Variants in MAGI2 observed in about 807,000 individuals in gnomAD.
The protein encoded by MAGI2 is membrane-associated guanylate kinase, WW and PDZ domain-containing protein 2.
MAGI2 carries 35 observed loss-of-function variants against 133.3 expected under a neutral mutation model. The ratio of observed to expected loss-of-function variants is 0.26; its 90% CI spans 0.20 to 0.35. MAGI2 has a LOEUF of 0.35. Ranked by LOEUF, MAGI2 falls within the 10% of genes least tolerant of loss-of-function variation. The pLI, the probability that MAGI2 is intolerant of heterozygous loss-of-function variation, is 1.00. For missense variants in MAGI2, 1,636 were observed against 1,863.4 expected (o/e 0.88, Z 2.25); for synonymous variants, 729 against 710.6 (o/e 1.03, Z -0.41).
At chr7:78,100,169 T>A (rs570393796) in intron 20 of MAGI2, among the ~76,000 whole-genome samples, 3 of 152,156 alleles carry the variant, frequency 2.0e-5, no homozygotes, top group African/African-American at 7.2e-5. Context: ...GTACTTTGCG[T>A]CGCTTCCCAC....
chr7:79,220,671 C>T (rs1004867163), intron 1 of MAGI2, among the ~76,000 whole-genome samples: 5 of 152,114 alleles, frequency 3.3e-5, no homozygotes, highest in East Asian at 3.9e-4. Context: ...CTGGTGGCCC[C>T]CAAACCACTT....
chr7:78,724,605 T>TG (rs770694542), intron 2 of MAGI2, among the ~76,000 whole-genome samples: 1 of 152,178 alleles, frequency 6.6e-6, no homozygotes, highest in South Asian at 2.1e-4. Context: ...CTATTGCTCC[T>TG]GTTGAGGAGG....
chr7:78,743,835 T>C (rs900135530), intron 2 of MAGI2, among the ~76,000 whole-genome samples: 3 of 152,200 alleles, frequency 2.0e-5, no homozygotes, highest in Admixed American at 6.5e-5. Flanking sequence ...TCTATTCCAA[T>C]GAACCATTTC....
chr7:79,146,849 A>G (rs1822687263), intron 1 of MAGI2, among the ~76,000 whole-genome samples: 1 of 152,216 alleles, frequency 6.6e-6, no homozygotes, highest in Non-Finnish European at 1.5e-5. Flanking sequence ...TTTCCATCTA[A>G]TAGGGGAATT....
intron 5 of MAGI2, among the ~76,000 whole-genome samples, chr7:78,499,609 A>C (rs1484094699): frequency 6.6e-6 from 1 of 151,866 alleles, no homozygotes; most frequent in African/African-American, 2.4e-5. Flanking sequence ...TCAAAACCTG[A>C]TGTAGTTAAA....
intron 1 of MAGI2, among the ~76,000 whole-genome samples, chr7:79,025,352 G>C (rs1340271710): frequency 6.6e-6 from 1 of 152,116 alleles, no homozygotes; most frequent in Non-Finnish European, 1.5e-5. Context: ...CCTACTTGAG[G>C]GTAGAGGTTG....
At chr7:78,701,131 G>A (rs1057446880) in intron 2 of MAGI2, among the ~76,000 whole-genome samples, 7 of 151,734 alleles carry the variant, frequency 4.6e-5, no homozygotes, top group Non-Finnish European at 1.0e-4. Flanking sequence ...AAATTTTACA[G>A]TAAGAAAGAC....
chr7:78,540,244 C>T lies in MAGI2; in HGVS notation c.539-18599G>A, dbSNP rs188906316. 1.8e-4 allele frequency among the ~76,000 whole-genome samples: 27 copies of T among 152,236 alleles called. No individual in the cohort carries two copies. The East Asian group carries it at 3.1e-3, about 17-fold the overall frequency. Reference sequence around the variant, plus strand: ...TGTCTGAGCTCAGCCTGTCCTTGAGCGGGGCTTGCTGTAGCCACTGTTGGG... The same window carrying T: ...TGTCTGAGCTCAGCCTGTCCTTGAGTGGGGCTTGCTGTAGCCACTGTTGGG... On this transcript the variant is annotated intron_variant, in intron 3 of 21. Coordinates refer to ENST00000354212, the MANE Select transcript of MAGI2 (RefSeq NM_012301.4).
intron 1 of MAGI2, among the ~76,000 whole-genome samples, chr7:79,449,897 T>TATATATATATATATATATATATA (rs1491494586): frequency 7.6e-6 from 1 of 132,326 alleles, no homozygotes; most frequent in Non-Finnish European, 1.6e-5. Flanking sequence ...TATATATATA[T>TATATATATATATATATATATATA]AATGTCTTAA....
chr7:78,985,856 AATT>A (rs1805207633), intron 2 of MAGI2, among the ~76,000 whole-genome samples: 2 of 152,090 alleles, frequency 1.3e-5, no homozygotes, highest in Non-Finnish European at 2.9e-5. Context: ...ATTTGCCTTT[AATT>A]TAATTCTGAT....
At chr7:79,446,461 T>G (rs1472622294) in intron 1 of MAGI2, among the ~76,000 whole-genome samples, 1 of 151,852 alleles carries the variant, frequency 6.6e-6, no homozygotes, top group Non-Finnish European at 1.5e-5. Flanking sequence ...ACTGCCATGG[T>G]TTTGACAGTG....
chr7:79,375,135 T>G (rs945863594), intron 1 of MAGI2, among the ~76,000 whole-genome samples: 2 of 152,036 alleles, frequency 1.3e-5, no homozygotes, highest in African/African-American at 4.8e-5. Context: ...TTTTGAATAG[T>G]TGAGAACTCT....
At chr7:79,011,566 C>G (rs1808093652) in intron 1 of MAGI2, among the ~76,000 whole-genome samples, 1 of 152,044 alleles carries the variant, frequency 6.6e-6, no homozygotes, top group Non-Finnish European at 1.5e-5. Flanking sequence ...GAAAGCGTAC[C>G]TTATAAACTT....
chr7:78,501,594 G>A lies in MAGI2; in HGVS notation c.948C>T (p.Gly316=), dbSNP rs75675313. ...AAACTCACTCAATGAAGTAGACTTC[G>A]CCCTTCTCTGTATAGGCCATTTCCC... ...DNWEMAYTEK[G]EVYFIDHNTK... Residue 316 remains glycine (G), a synonymous_variant, in exon 5 of 22, where the codon GGC becomes GGT. Transcript: ENST00000354212. 4.9e-5 allele frequency: 79 copies of A among 1,612,490 alleles called. No homozygotes were observed. The East Asian group carries it at 7.1e-4, about 15-fold the overall frequency.
intron 16 of MAGI2, among the ~76,000 whole-genome samples, chr7:78,141,464 T>C (rs1190022635): frequency 2.0e-5 from 3 of 151,962 alleles, no homozygotes; most frequent in African/African-American, 7.3e-5. Context: ...TTCAAAAGAG[T>C]TTTCTTTGTC....
chr7:78,037,416 C>A (rs954962037), intron 21 of MAGI2, among the ~76,000 whole-genome samples: 1 of 152,196 alleles, frequency 6.6e-6, no homozygotes, highest in Admixed American at 6.5e-5. Flanking sequence ...CTATTTGGAA[C>A]CATCTGAGCC....
intron 1 of MAGI2, among the ~76,000 whole-genome samples, chr7:79,292,630 CA>C (rs1836581052): frequency 6.7e-6 from 1 of 149,906 alleles, no homozygotes; most frequent in Admixed American, 6.6e-5. Flanking sequence ...GAGACCCTGC[CA>C]CCAAAAAAAA....
At chr7:78,093,760 C>T (rs1817456508) in intron 20 of MAGI2, among the ~76,000 whole-genome samples, 1 of 152,176 alleles carries the variant, frequency 6.6e-6, no homozygotes, top group Non-Finnish European at 1.5e-5. Context: ...CCACGAGATA[C>T]ATGCATTTAG....
intron 1 of MAGI2, among the ~76,000 whole-genome samples, chr7:79,180,905 A>T (rs896011056): frequency 6.6e-6 from 1 of 151,916 alleles, no homozygotes; most frequent in African/African-American, 2.4e-5. Context: ...CAAGTCCAAA[A>T]TCTAGCAGGG....
Sources: allele counts gnomAD v4.1 joint callset (sites outside exome capture counted in the v4.1 genomes callset), GRCh38; gene constraint gnomAD v4.1.1; transcripts MANE v1.5; gene names NCBI Gene and HGNC (gene_info 2026-07-23, HGNC 2026-07-21).